NXN: variants seen among roughly 807,000 people sequenced by gnomAD.
NXN encodes the protein nucleoredoxin 1.
A neutral mutation model predicts 48.6 loss-of-function variants in NXN; 16 were observed. The observed-to-expected ratio is 0.33, with a 90% CI of 0.22 to 0.50. NXN has a LOEUF of 0.50. Among genes scored for constraint, NXN ranks in the 20% least tolerant of loss-of-function variants. NXN has a pLI of 0.98. For missense variants in NXN, 492 were observed against 605.5 expected (o/e 0.81, Z 1.97); for synonymous variants, 281 against 269.6 (o/e 1.04, Z -0.41).
At chr17:863,281 C>T (rs1252009842) in intron 1 of NXN, among the ~76,000 whole-genome samples, 1 of 152,206 alleles carries the variant, frequency 6.6e-6, no homozygotes, top group Non-Finnish European at 1.5e-5. Context: ...GATTCTCCTA[C>T]CTCAGCCTCC....
intron 1 of NXN, among the ~76,000 whole-genome samples, chr17:914,923 T>C (rs2068671472): frequency 6.6e-6 from 1 of 151,990 alleles, no homozygotes; most frequent in Non-Finnish European, 1.5e-5. Context: ...CGCAGACACT[T>C]GTACTGGAAA....
chr17:832,684 C>T (rs978785480), intron 1 of NXN, among the ~76,000 whole-genome samples: 1 of 152,118 alleles, frequency 6.6e-6, no homozygotes, highest in African/African-American at 2.4e-5. Context: ...CATGTCTTTC[C>T]TCTCGGAATC....
At chr17:881,780 T>A (rs1447466060) in intron 1 of NXN, among the ~76,000 whole-genome samples, 2 of 152,118 alleles carry the variant, frequency 1.3e-5, no homozygotes, top group Non-Finnish European at 2.9e-5. Context: ...TTCTCAGCAA[T>A]AAGAAGGAAC....
intron 6 of NXN, chr17:804,049 C>T (rs3851778): frequency 1.1e-5 from 6 of 528,946 alleles, no homozygotes; most frequent in African/African-American, 1.9e-5. Context: ...GAACCTGCCT[C>T]ACTGAGCAGC....
chr17:805,621 G>C (rs1257537113), intron 5 of NXN, among the ~76,000 whole-genome samples: 2 of 152,102 alleles, frequency 1.3e-5, no homozygotes, highest in Non-Finnish European at 2.9e-5. Context: ...TGGATCACTT[G>C]AGGTCAGGAG....
In NXN at chr17:825,789, C is replaced by A; in HGVS notation, c.478+172G>T. The A allele has an allele frequency of 1.7e-6, 1 of 584,812 alleles. No homozygotes were observed. Among genetic ancestry groups the A allele is most frequent in the East Asian group, 2.9e-5 (1 of 33,946 alleles). 36.2% of individuals were successfully genotyped at this position (584,812 alleles called of 1,614,324 possible). A position where few individuals can be genotyped will look rare whatever the true frequency, so the allele number is the denominator to read the frequency against. ...CTGATCCCTGTGAAAATCTTAAAACCATGTCCTAGGGAATACTATGATTTC... is the reference window on the plus strand; with the variant it reads ...CTGATCCCTGTGAAAATCTTAAAACAATGTCCTAGGGAATACTATGATTTC... On this transcript the variant is annotated intron_variant, in intron 2 of 7. Transcript: ENST00000336868. The surrounding 1 kb of genome is among the most constrained non-coding windows in gnomAD (Gnocchi z 4.1).
intron 1 of NXN, among the ~76,000 whole-genome samples, chr17:862,183 C>G (rs2068047846): frequency 6.6e-6 from 1 of 151,302 alleles, no homozygotes; most frequent in African/African-American, 2.4e-5. Flanking sequence ...GAAGGAGTGA[C>G]AATTTAAAGC....
chr17:904,374 G>A (rs1046015419), intron 1 of NXN, among the ~76,000 whole-genome samples: 1 of 152,266 alleles, frequency 6.6e-6, no homozygotes, highest in African/African-American at 2.4e-5. Context: ...AGGAAAGGAC[G>A]CACACGTCGG....
intron 5 of NXN, among the ~76,000 whole-genome samples, chr17:810,844 T>A (rs2474687): frequency 0.35 from 52,895 of 151,582 alleles, 9,373 homozygotes; most frequent in East Asian, 0.53. Flanking sequence ...AGCGGAGATC[T>A]TGCCACTGCA....
chr17:895,608 C>G lies in NXN; in HGVS notation c.361-69530G>C, dbSNP rs544446727. On this transcript the variant is annotated intron_variant, in intron 1 of 7. Transcript: ENST00000336868. ...TGGGCGGATCACAGGGTCAGGAGAT[C>G]AAGACCATCCTGGCTAACACGGTGA... 8.1e-4 allele frequency among the ~76,000 whole-genome samples: 121 copies of G among 149,410 alleles called. 2 individuals are homozygous for G. In the South Asian group the frequency reaches 0.02, roughly 24 times the overall value.
In NXN at chr17:825,948, G is replaced by A. The variant is rs1467656496; in HGVS notation, c.478+13C>T. On this transcript the variant is annotated intron_variant, in intron 2 of 7. Transcript: ENST00000336868. This position sits in a 1 kb window ranked among gnomAD's most constrained non-coding sequence, Gnocchi z 4.1. ...GGTAATAAGAGGACCATATGCACGG[G>A]CTGAGGTTTTACCTTCTGGGTCATC... 1.9e-6 allele frequency: 3 copies of A among 1,559,534 alleles called. No homozygotes were observed. In the African/African-American group the frequency reaches 4.1e-5, roughly 21 times the overall value.
intron 1 of NXN, among the ~76,000 whole-genome samples, chr17:857,709 T>TCAC (rs2068000661): frequency 6.6e-6 from 1 of 152,156 alleles, no homozygotes; most frequent in Non-Finnish European, 1.5e-5. Context: ...ATCCCAGATA[T>TCAC]CACCAGGGCC....
At chr17:900,541 G>A (rs1300540513) in intron 1 of NXN, among the ~76,000 whole-genome samples, 3 of 152,116 alleles carry the variant, frequency 2.0e-5, no homozygotes, top group African/African-American at 7.2e-5. Context: ...GGCAAACCAT[G>A]GCATCAGGAT....
chr17:955,697 C>T (rs1160797462), intron 1 of NXN, among the ~76,000 whole-genome samples: 2 of 149,954 alleles, frequency 1.3e-5, no homozygotes, highest in Non-Finnish European at 3.0e-5. Context: ...GAGATTGAGA[C>T]CATCCTGGCT....
intron 1 of NXN, among the ~76,000 whole-genome samples, chr17:977,067 T>C (rs1260666474): frequency 6.6e-6 from 1 of 152,134 alleles, no homozygotes; most frequent in Non-Finnish European, 1.5e-5. Context: ...CACCCGGCAA[T>C]AATTCCTTTT....
At position 919,731 on chromosome 17, in the gene NXN, T is replaced by C. The variant is rs2068726175; in HGVS notation, c.360+59588A>G. On this transcript the variant is annotated intron_variant, in intron 1 of 7. Coordinates refer to ENST00000336868, the MANE Select transcript of NXN (RefSeq NM_022463.5). This position sits in a 1 kb window ranked among gnomAD's most constrained non-coding sequence, Gnocchi z 5.1. ...TCCAGAACAACAACTGAAAATAATA[T>C]TGGAACGCAGTCCAGAAAATACAAC... Among the ~76,000 whole-genome samples the C allele has an allele frequency of 6.6e-6, 1 of 152,044 alleles. No individual in the cohort carries two copies. The highest frequency in any genetic ancestry group is 6.6e-5 in the Admixed American group (1 of 15,258).
intron 2 of NXN, among the ~76,000 whole-genome samples, chr17:824,923 A>C (rs907475441): frequency 2.0e-5 from 3 of 151,964 alleles, no homozygotes; most frequent in African/African-American, 7.3e-5. Flanking sequence ...AATGCTCTGG[A>C]GGTCGGGCTC....
intron 1 of NXN, among the ~76,000 whole-genome samples, chr17:938,333 G>A (rs1266376246): frequency 6.6e-6 from 1 of 152,246 alleles, no homozygotes; most frequent in African/African-American, 2.4e-5. Context: ...ATGACAGCAA[G>A]TGAGCTGGCC....
intron 5 of NXN, among the ~76,000 whole-genome samples, chr17:811,090 C>T (rs1257334823): frequency 6.6e-6 from 1 of 152,014 alleles, no homozygotes; most frequent in Non-Finnish European, 1.5e-5. Flanking sequence ...AGGAGGGAAG[C>T]AGAAGAGGAA....
Sources: allele counts gnomAD v4.1 joint callset (sites outside exome capture counted in the v4.1 genomes callset), GRCh38; gene constraint gnomAD v4.1.1; non-coding constraint Gnocchi (gnomAD v3.1); transcripts MANE v1.5; gene names NCBI Gene and HGNC (gene_info 2026-07-23, HGNC 2026-07-21).